Variants in RALGAPA2 observed in about 807,000 individuals in gnomAD.
RALGAPA2 encodes Ral GTPase activating protein catalytic subunit alpha 2.
A neutral mutation model predicts 230.4 loss-of-function variants in RALGAPA2; 139 were observed. The observed-to-expected ratio is 0.60, with a 90% confidence interval of 0.53 to 0.69. The LOEUF is 0.69. RALGAPA2 is among the 30% of genes least tolerant of loss of function. RALGAPA2 has a pLI of 0.00. For missense variants in RALGAPA2, 2,163 were observed against 2,276.0 expected (o/e 0.95, Z 1.01); for synonymous variants, 847 against 837.8 (o/e 1.01, Z -0.19).
chr20:20,611,495 A>G, intron 13 of RALGAPA2, 69 bp from the exon 14 acceptor site: 2 of 1,529,254 alleles, frequency 1.3e-6, no homozygotes, highest in South Asian at 1.3e-5. Context: ...TATAGGTACC[A>G]GAAATTCTCT....
chr20:20,415,699 C>A (rs2060150817), intron 37 of RALGAPA2, among the ~76,000 whole-genome samples: 1 of 152,072 alleles, frequency 6.6e-6, no homozygotes, highest in Non-Finnish European at 1.5e-5. Flanking sequence ...CCAGCCTGGG[C>A]AACATAGCAA....
chr20:20,552,528 G>A (rs979045938), intron 23 of RALGAPA2, among the ~76,000 whole-genome samples: 16 of 152,128 alleles, frequency 1.1e-4, no homozygotes, highest in Non-Finnish European at 2.2e-4. Flanking sequence ...AGAGGGGAAG[G>A]TTGGGATCTG....
At chr20:20,678,891 C>G (rs1192222077) in intron 2 of RALGAPA2, among the ~76,000 whole-genome samples, 3 of 152,188 alleles carry the variant, frequency 2.0e-5, no homozygotes, top group Non-Finnish European at 4.4e-5. Flanking sequence ...CCCAGCCCAG[C>G]TGCACCTCAT....
At chr20:20,584,654 C>G (rs1233674756) in intron 19 of RALGAPA2, among the ~76,000 whole-genome samples, 1 of 152,124 alleles carries the variant, frequency 6.6e-6, no homozygotes, top group Non-Finnish European at 1.5e-5. Flanking sequence ...TTGACATGTG[C>G]CTGTAGTCCC....
At chr20:20,397,693 A>C (rs1351667357) in intron 38 of RALGAPA2, among the ~76,000 whole-genome samples, 2 of 152,214 alleles carry the variant, frequency 1.3e-5, no homozygotes, top group Non-Finnish European at 2.9e-5. Context: ...GCACAGTGAC[A>C]GGGGCAAACT....
intron 36 of RALGAPA2, among the ~76,000 whole-genome samples, chr20:20,482,841 G>C (rs143525550): frequency 6.6e-6 from 1 of 152,330 alleles, no homozygotes; most frequent in Non-Finnish European, 1.5e-5. Flanking sequence ...TAAGAGAAAA[G>C]GCTGAAGAAC....
intron 1 of RALGAPA2, among the ~76,000 whole-genome samples, chr20:20,697,178 A>G (rs1384828193): frequency 6.6e-6 from 1 of 152,194 alleles, no homozygotes; most frequent in Non-Finnish European, 1.5e-5. Context: ...AGACTTAAAG[A>G]GTGGTCAATC....
chr20:20,589,173 A>G (rs1319695366), intron 18 of RALGAPA2, 95 bp downstream of exon 18: 5 of 1,403,740 alleles, frequency 3.6e-6, no homozygotes, highest in Admixed American at 2.9e-5. Context: ...GGAAAAAAAT[A>G]TTTTAATTAT....
At chr20:20,686,986 C>T (rs769827340) in intron 1 of RALGAPA2, among the ~76,000 whole-genome samples, 24 of 152,156 alleles carry the variant, frequency 1.6e-4, no homozygotes, top group Non-Finnish European at 2.6e-4. Flanking sequence ...TCTATACTGC[C>T]TACACCCCTC....
At chr20:20,565,692 G>A (rs1023505023) in intron 23 of RALGAPA2, among the ~76,000 whole-genome samples, 8 of 152,136 alleles carry the variant, frequency 5.3e-5, no homozygotes, top group African/African-American at 1.9e-4. Flanking sequence ...GGAGTTAAAT[G>A]AAAGCAAAAT....
intron 36 of RALGAPA2, among the ~76,000 whole-genome samples, chr20:20,492,149 T>C (rs1191562292): frequency 4.6e-5 from 7 of 152,192 alleles, no homozygotes; most frequent in Non-Finnish European, 1.0e-4. Flanking sequence ...TGAATGAAAG[T>C]ACAATTTGAA....
At position 20,580,452 on chromosome 20, in the gene RALGAPA2, G is replaced by A. The variant is rs141223555; in HGVS notation, c.2707+2598C>T. Among the ~76,000 whole-genome samples the A allele has an allele frequency of 1.7e-3, 255 of 152,186 alleles. 2 individuals are homozygous for A. The highest frequency in any genetic ancestry group is 5.8e-3 in the African/African-American group (242 of 41,504). ...TCCCCTGCCCTGTCATCCTAGGACT[G>A]GGTACCAGGAAACTAGAAACAGCCC... On this transcript the variant is annotated intron_variant, in intron 20 of 39. Coordinates refer to ENST00000202677, the MANE Select transcript of RALGAPA2 (RefSeq NM_020343.4).
chr20:20,710,620 TCA>T (rs2069817535), intron 1 of RALGAPA2, among the ~76,000 whole-genome samples: 1 of 152,082 alleles, frequency 6.6e-6, no homozygotes, highest in African/African-American at 2.4e-5. Context: ...CATGATGAGT[TCA>T]GTGAAATGAT....
chr20:20,406,207 C>T (rs913701251), intron 38 of RALGAPA2, among the ~76,000 whole-genome samples: 1 of 151,908 alleles, frequency 6.6e-6, no homozygotes, highest in Admixed American at 6.6e-5. Flanking sequence ...CAGGTCACAC[C>T]CCAGACCAAT....
In RALGAPA2 at chr20:20,583,126, A is replaced by T; in HGVS notation, c.2631T>A (p.Thr877=). The T allele has an allele frequency of 1.9e-6, 3 of 1,613,680 alleles. No homozygotes were observed. The highest frequency in any genetic ancestry group is 1.1e-5 in the South Asian group (1 of 91,082). Residue 877 remains threonine, a synonymous_variant, in exon 20 of 40, where the codon ACT becomes ACA. Transcript: ENST00000202677. ...CAGCATCAGCCACAACATCTGTGGG[A>T]GTATTCAGTTCTGGGTCTTCCTCAC... The part of the protein sequence containing the change: ...QTCEEDPELN[T]PTDVVADADA...
chr20:20,654,597 T>C (rs992522744), intron 3 of RALGAPA2, among the ~76,000 whole-genome samples: 3 of 152,232 alleles, frequency 2.0e-5, no homozygotes, highest in African/African-American at 7.2e-5. Flanking sequence ...GGCTGAATAG[T>C]ATTTCACTGT....
At chr20:20,487,632 G>C (rs1246417929) in intron 36 of RALGAPA2, among the ~76,000 whole-genome samples, 1 of 152,140 alleles carries the variant, frequency 6.6e-6, no homozygotes, top group Non-Finnish European at 1.5e-5. Flanking sequence ...CTCTTGGCTG[G>C]GCACAGTAGC....
chr20:20,419,575 T>A (rs1433688614), intron 37 of RALGAPA2, among the ~76,000 whole-genome samples: 3 of 152,058 alleles, frequency 2.0e-5, no homozygotes, highest in African/African-American at 4.8e-5. Context: ...AAAGCTCAAA[T>A]CAAACATGGA....
In RALGAPA2 at chr20:20,571,542, G is replaced by A. The variant is rs372289967; in HGVS notation, c.3072C>T (p.Thr1024=). The A allele has an allele frequency of 3.7e-6, 6 of 1,612,430 alleles. No homozygotes were observed. In the South Asian group the frequency reaches 4.4e-5, roughly 12 times the overall value. Residue 1024 remains threonine, a synonymous_variant, in exon 23 of 40, where the codon ACC becomes ACT. Coordinates refer to ENST00000202677, the MANE Select transcript of RALGAPA2 (RefSeq NM_020343.4). ...QAYRLICAMM[T]RRQDVLPNSD... ...AGTTTGGCAGAACGTCCTGGCGTCT[G>A]GTCATCATGGCACAGATCAGCCTGT... is the stretch of plus-strand genomic sequence containing the variant.
Sources: allele counts gnomAD v4.1 joint callset (sites outside exome capture counted in the v4.1 genomes callset), GRCh38; gene constraint gnomAD v4.1.1; transcripts MANE v1.5; gene names NCBI Gene and HGNC (gene_info 2026-07-23, HGNC 2026-07-21).